The following METTL15 variants were observed in gnomAD, a reference collection of about 807,000 sequenced individuals.
METTL15 encodes the protein methyltransferase 15, mitochondrial 12S rRNA N4-cytidine, also known as 12S rRNA N(4)-cytidine methyltransferase METTL15.
In METTL15, 34 loss-of-function variants were observed where a neutral mutation model predicts 38.3. That is an observed-to-expected ratio of 0.89 (90% confidence interval 0.68 to 1.18). The LOEUF (loss-of-function observed/expected upper bound fraction) is 1.18, where lower values mean the gene tolerates loss of function less well. METTL15 is among the 50% of genes most tolerant of loss of function. The pLI is 0.00. For missense variants in METTL15, 438 were observed against 498.4 expected (o/e 0.88, Z 1.15); for synonymous variants, 162 against 170.9 (o/e 0.95, Z 0.41).
In METTL15 at chr11:28,154,784, G is replaced by GCTA. The variant is rs1850207231; in HGVS notation, c.270+41183_270+41185dup. On this transcript the variant is annotated intron_variant, in intron 3 of 6. Coordinates refer to ENST00000407364, the MANE Select transcript of METTL15 (RefSeq NM_001113528.2). ...GATTATATAGTATGTAGTTAATAAT[G>GCTA]CTACTGCACTTAAATCCCTCTTACA... is the stretch of plus-strand genomic sequence containing the variant. 2.0e-5 allele frequency among the ~76,000 whole-genome samples: 3 copies of GCTA among 152,166 alleles called. No homozygotes were observed. The South Asian group carries it at 6.2e-4, about 32-fold the overall frequency.
intron 3 of METTL15, among the ~76,000 whole-genome samples, chr11:28,152,615 A>G (rs1454675182): frequency 6.6e-6 from 1 of 151,916 alleles, no homozygotes; most frequent in African/African-American, 2.4e-5. Flanking sequence ...CTTAGTGTCC[A>G]TGAGGGATTG....
intron 5 of METTL15, among the ~76,000 whole-genome samples, chr11:28,375,986 A>G (rs1350779028): frequency 6.6e-6 from 1 of 152,050 alleles, no homozygotes; most frequent in Admixed American, 6.6e-5. Flanking sequence ...TTTGAGTAAG[A>G]TTCTTAATCC....
At chr11:28,473,369 A>C (rs981737404) in intron 6 of METTL15, among the ~76,000 whole-genome samples, 4 of 152,182 alleles carry the variant, frequency 2.6e-5, no homozygotes, top group Non-Finnish European at 4.4e-5. Flanking sequence ...TGCATGTAAA[A>C]CAAATCCTGG....
intron 3 of METTL15, among the ~76,000 whole-genome samples, chr11:28,150,441 AACAC>A (rs1850040640): frequency 6.6e-6 from 1 of 151,988 alleles, no homozygotes; most frequent in Non-Finnish European, 1.5e-5. Flanking sequence ...TCCTCAAACA[AACAC>A]ACAAACTAAC....
chr11:28,294,122 C>G (rs1856636743), intron 5 of METTL15, among the ~76,000 whole-genome samples: 1 of 152,160 alleles, frequency 6.6e-6, no homozygotes, highest in African/African-American at 2.4e-5. Flanking sequence ...GAGGGCATCC[C>G]TGTCTTGTGC....
chr11:28,149,977 C>T (rs1850023602), intron 3 of METTL15, among the ~76,000 whole-genome samples: 1 of 151,858 alleles, frequency 6.6e-6, no homozygotes, highest in Admixed American at 6.6e-5. Flanking sequence ...GATAAATTTA[C>T]ACTCTCAGCA....
At chr11:28,248,788 A>G (rs1284925016) in intron 4 of METTL15, among the ~76,000 whole-genome samples, 1 of 151,848 alleles carries the variant, frequency 6.6e-6, no homozygotes, top group African/African-American at 2.4e-5. Context: ...TGTGATAGGT[A>G]TTTTTATTTA....
intron 3 of METTL15, among the ~76,000 whole-genome samples, chr11:28,151,281 T>G (rs185969829): frequency 6.6e-6 from 1 of 152,036 alleles, no homozygotes; most frequent in Admixed American, 6.6e-5. Flanking sequence ...CTTTAAAACA[T>G]CATGTGCCCA....
rs1851300660 is a variant in METTL15 at position 28,471,236 on chromosome 11, C to T, written c.*424+46872C>T. Reference sequence around the variant, plus strand: ...AGCAACCAAGGTGGAAACTGCAAGACTTCTGACCCAGCCTCCTAAGACATA... The same window carrying T: ...AGCAACCAAGGTGGAAACTGCAAGATTTCTGACCCAGCCTCCTAAGACATA... On this transcript the variant is annotated intron_variant and NMD_transcript_variant, in intron 6 of 7. Coordinates refer to the METTL15 transcript ENST00000532947. Among the ~76,000 whole-genome samples the T allele has an allele frequency of 2.6e-5, 4 of 152,116 alleles. No homozygotes were observed. The South Asian group carries it at 8.3e-4, about 31-fold the overall frequency.
intron 5 of METTL15, among the ~76,000 whole-genome samples, chr11:28,413,642 G>C (rs995432732): frequency 2.6e-5 from 4 of 152,144 alleles, no homozygotes; most frequent in Non-Finnish European, 5.9e-5. Flanking sequence ...GGGTTGGTCA[G>C]ATGGATTGAA....
intron 3 of METTL15, among the ~76,000 whole-genome samples, chr11:28,175,101 C>T (rs925775883): frequency 6.6e-6 from 1 of 151,856 alleles, no homozygotes; most frequent in Admixed American, 6.6e-5. Flanking sequence ...TCCCCCCTAC[C>T]CCCACCCCAC....
At chr11:28,453,925 A>G (rs1330284722) in intron 6 of METTL15, among the ~76,000 whole-genome samples, 2 of 152,214 alleles carry the variant, frequency 1.3e-5, no homozygotes, top group Non-Finnish European at 2.9e-5. Context: ...ATGGGAAGAT[A>G]CAGGAAAAAG....
intron 4 of METTL15, among the ~76,000 whole-genome samples, chr11:28,223,129 G>C (rs943730235): frequency 1.3e-5 from 2 of 152,006 alleles, no homozygotes; most frequent in Non-Finnish European, 2.9e-5. Context: ...GAATATCTAA[G>C]GAAACATGTT....
chr11:28,377,415 T>G (rs1224804552), intron 5 of METTL15, among the ~76,000 whole-genome samples: 1 of 152,212 alleles, frequency 6.6e-6, no homozygotes, highest in African/African-American at 2.4e-5. Context: ...CATTTCATCT[T>G]CCATTGCTGA....
At chr11:28,467,982 G>A (rs1851270890) in intron 6 of METTL15, among the ~76,000 whole-genome samples, 1 of 152,058 alleles carries the variant, frequency 6.6e-6, no homozygotes, top group Non-Finnish European at 1.5e-5. Context: ...TTTGCTACTG[G>A]ACTGTCTAGC....
intron 6 of METTL15, among the ~76,000 whole-genome samples, chr11:28,449,781 C>A (rs1851105294): frequency 6.6e-6 from 1 of 152,108 alleles, no homozygotes; most frequent in Admixed American, 6.5e-5. Context: ...GACTACCTTT[C>A]TAGAGGGGCA....
intron 6 of METTL15, among the ~76,000 whole-genome samples, chr11:28,433,172 G>C (rs4306285): frequency 1.3e-5 from 1 of 77,190 alleles, no homozygotes; most frequent in Non-Finnish European, 3.4e-5. Context: ...TGTTTTTTTT[G>C]TTTTTTTTTG....
chr11:28,381,099 G>A (rs191702279), intron 5 of METTL15, among the ~76,000 whole-genome samples: 152 of 152,226 alleles, frequency 1.0e-3, no homozygotes, highest in African/African-American at 1.9e-3. Context: ...AAAGAAGTTA[G>A]CCTAGAGATC....
chr11:28,308,084 T>G (rs1857143630), intron 6 of METTL15, among the ~76,000 whole-genome samples: 1 of 152,052 alleles, frequency 6.6e-6, no homozygotes, highest in African/African-American at 2.4e-5. Flanking sequence ...TTATGATTAT[T>G]TTCACTTAGT....
Sources: allele counts gnomAD v4.1 joint callset (sites outside exome capture counted in the v4.1 genomes callset), GRCh38; gene constraint gnomAD v4.1.1; transcripts MANE v1.5; gene names NCBI Gene and HGNC (gene_info 2026-07-23, HGNC 2026-07-21).